The following HS3ST5 variants were observed in gnomAD, a reference collection of about 807,000 sequenced individuals.
The protein encoded by HS3ST5 is heparan sulfate-glucosamine 3-sulfotransferase 5, also known as heparan sulfate glucosamine 3-O-sulfotransferase 5.
Under a neutral mutation model 25.4 loss-of-function variants are expected in HS3ST5, and 10 were observed. The ratio of observed to expected loss-of-function variants is 0.39; its 90% CI spans 0.24 to 0.67. The LOEUF (loss-of-function observed/expected upper bound fraction) is 0.67. HS3ST5 is among the 30% of genes least tolerant of loss of function. The probability of loss-of-function intolerance (pLI) is 0.44; values close to 1 mark genes in which losing one functional copy is unlikely to be tolerated. For synonymous variants in HS3ST5, 170 were observed against 162.4 expected (o/e 1.05, Z -0.36); for missense variants, 324 against 420.7 (o/e 0.77, Z 2.01).
chr6:114,133,561 G>A (rs148912529), intron 3 of HS3ST5, among the ~76,000 whole-genome samples: 3 of 152,186 alleles, frequency 2.0e-5, no homozygotes, highest in South Asian at 2.1e-4. Flanking sequence ...GGGACTAGAT[G>A]TCTTAATATG....
At chr6:114,295,858 C>T (rs1407278087) in intron 1 of HS3ST5, among the ~76,000 whole-genome samples, 2 of 152,210 alleles carry the variant, frequency 1.3e-5, no homozygotes, top group Admixed American at 1.3e-4. Context: ...CAGGGCTGCA[C>T]CAAGTGGCAA....
rs1383654973 is a variant in HS3ST5 at position 114,228,730 on chromosome 6, T to C, written c.-290A>G. On this transcript the variant is annotated 5_prime_UTR_variant, in exon 2 of 5. Transcript: ENST00000312719. ...CCTGGGGTGGCCACCAGAAATGCCGTTGAGAATAGAAGACACCAATGCTGA... is the reference window on the plus strand; with the variant it reads ...CCTGGGGTGGCCACCAGAAATGCCGCTGAGAATAGAAGACACCAATGCTGA... 3 of 152,170 alleles carry C rather than the reference T, an allele frequency of 2.0e-5. No individual in the cohort carries two copies. The East Asian group carries it at 5.8e-4, about 29-fold the overall frequency. 9.4% of individuals were successfully genotyped at this position (152,170 alleles called of 1,614,324 possible).
intron 2 of HS3ST5, among the ~76,000 whole-genome samples, chr6:114,173,832 C>A (rs1779588880): frequency 6.6e-6 from 1 of 152,138 alleles, no homozygotes; most frequent in South Asian, 2.1e-4. Context: ...GCATTCCAGC[C>A]TGGGCAACAG....
chr6:114,110,602 G>A (rs1393992949), intron 3 of HS3ST5, among the ~76,000 whole-genome samples: 1 of 152,102 alleles, frequency 6.6e-6, no homozygotes, highest in African/African-American at 2.4e-5. Flanking sequence ...ATAGTGTTTG[G>A]GTCTTACAGT....
At chr6:114,136,819 T>G (rs977508642) in intron 3 of HS3ST5, among the ~76,000 whole-genome samples, 1 of 152,184 alleles carries the variant, frequency 6.6e-6, no homozygotes, top group Non-Finnish European at 1.5e-5. Flanking sequence ...GACATTTTCA[T>G]GGAGTAAGGC....
chr6:114,240,184 C>T (rs978010191), intron 1 of HS3ST5, among the ~76,000 whole-genome samples: 1 of 152,124 alleles, frequency 6.6e-6, no homozygotes, highest in African/African-American at 2.4e-5. Context: ...CATTCTATAA[C>T]TTTAATCAAA....
At chr6:114,289,897 A>G (rs1056790544) in intron 1 of HS3ST5, among the ~76,000 whole-genome samples, 1 of 152,148 alleles carries the variant, frequency 6.6e-6, no homozygotes. Flanking sequence ...TAAATTTAGC[A>G]CAAATATCCA....
At chr6:114,252,938 T>C (rs1772731846) in intron 1 of HS3ST5, among the ~76,000 whole-genome samples, 1 of 152,178 alleles carries the variant, frequency 6.6e-6, no homozygotes, top group South Asian at 2.1e-4. Flanking sequence ...GGCTCATGCC[T>C]GTAATCCTAG....
At chr6:114,211,329 C>T (rs919635060) in intron 2 of HS3ST5, among the ~76,000 whole-genome samples, 4 of 152,108 alleles carry the variant, frequency 2.6e-5, no homozygotes, top group South Asian at 2.1e-4. Flanking sequence ...TCGGATTTAG[C>T]CCAGTTTTGT....
intron 1 of HS3ST5, among the ~76,000 whole-genome samples, chr6:114,292,595 G>T (rs980540727): frequency 6.6e-6 from 1 of 152,112 alleles, no homozygotes; most frequent in African/African-American, 2.4e-5. Context: ...GAATATTAAG[G>T]CATACATTCA....
chr6:114,287,201 G>T lies in HS3ST5; in HGVS notation c.-339+54994C>A, dbSNP rs548802968. On this transcript the variant is annotated intron_variant, in intron 1 of 4. Coordinates refer to ENST00000312719, the MANE Select transcript of HS3ST5 (RefSeq NM_153612.4). ...GTACTATTAATATTATGCATTCATG[G>T]CAGTAATATAATTTTAATAACATTG... 2.4e-4 allele frequency among the ~76,000 whole-genome samples: 37 copies of T among 151,970 alleles called. 1 individual carries two copies. The South Asian group carries it at 7.1e-3, about 29-fold the overall frequency.
At chr6:114,252,707 T>C (rs1347255614) in intron 1 of HS3ST5, among the ~76,000 whole-genome samples, 1 of 152,172 alleles carries the variant, frequency 6.6e-6, no homozygotes, top group Non-Finnish European at 1.5e-5. Flanking sequence ...GAGGCTTATG[T>C]CAAAGCACCA....
At chr6:114,141,859 TG>T (rs1777920173) in intron 3 of HS3ST5, among the ~76,000 whole-genome samples, 1 of 278 alleles carries the variant, frequency 3.6e-3, no homozygotes, top group Non-Finnish European at 0.015. Flanking sequence ...GATGATAGTT[TG>T]TGTGTGTGTG....
chr6:114,171,860 A>C (rs1385225550), intron 2 of HS3ST5, among the ~76,000 whole-genome samples: 1 of 152,184 alleles, frequency 6.6e-6, no homozygotes, highest in African/African-American at 2.4e-5. Flanking sequence ...GTGTAAATTA[A>C]AGAAAAGGTA....
intron 1 of HS3ST5, among the ~76,000 whole-genome samples, chr6:114,243,817 T>C (rs780429775): frequency 1.3e-5 from 2 of 152,212 alleles, no homozygotes; most frequent in African/African-American, 4.8e-5. Flanking sequence ...CTTATTACAC[T>C]GACTACTGAA....
chr6:114,067,111 CTA>C lies in HS3ST5; in HGVS notation c.-32-4236_-32-4235del, dbSNP rs1221110187. On this transcript the variant is annotated intron_variant, in intron 3 of 4. Transcript: ENST00000312719. ...TCCTTGCTGGCCTGGGATATCTTTC[CTA>C]TGTCTCCTCCTTCGAGACTTCCAGA... Among the ~76,000 whole-genome samples, 4 of 151,952 alleles carry C rather than the reference CTA, an allele frequency of 2.6e-5. No individual in the cohort carries two copies. In the East Asian group the frequency reaches 7.7e-4, roughly 29 times the overall value.
chr6:114,176,823 G>A (rs138369157), intron 2 of HS3ST5, among the ~76,000 whole-genome samples: 10 of 152,230 alleles, frequency 6.6e-5, no homozygotes, highest in Admixed American at 2.0e-4. Flanking sequence ...CTATATACCC[G>A]TTCTTTTATG....
At position 114,210,160 on chromosome 6, in the gene HS3ST5, T is replaced by C. The variant is rs147845694; in HGVS notation, c.-145+18425A>G. On this transcript the variant is annotated intron_variant, in intron 2 of 4. Transcript: ENST00000312719. ...TAGACAAAATATTCATTATTAGTAGTAATTACAAACTGAAATTAGGAAATA... is the reference window on the plus strand; with the variant it reads ...TAGACAAAATATTCATTATTAGTAGCAATTACAAACTGAAATTAGGAAATA... 7.0e-3 allele frequency among the ~76,000 whole-genome samples: 1,072 copies of C among 152,324 alleles called. 16 individuals are homozygous for C. The highest frequency in any genetic ancestry group is 0.024 in the African/African-American group (1,016 of 41,582).
intron 3 of HS3ST5, among the ~76,000 whole-genome samples, chr6:114,101,939 C>T (rs190664069): frequency 6.6e-6 from 1 of 152,178 alleles, no homozygotes; most frequent in East Asian, 1.9e-4. Flanking sequence ...CTAAGCAAAC[C>T]AACTCAGGAA....
Sources: gnomAD v4.1 joint callset for allele counts (sites outside exome capture counted in the v4.1 genomes callset) on GRCh38, gnomAD v4.1.1 for gene constraint, MANE v1.5 for transcripts, NCBI Gene and HGNC (gene_info 2026-07-23, HGNC 2026-07-21) for gene names.